Variants in TNNI3K observed in about 807,000 individuals in gnomAD.
The protein encoded by TNNI3K is serine/threonine-protein kinase TNNI3K.
A neutral mutation model predicts 114.5 loss-of-function variants in TNNI3K; 140 were observed. That is an observed-to-expected ratio of 1.22 (90% CI 1.07 to 1.41). The LOEUF is 1.41. TNNI3K is among the 40% of genes most tolerant of loss of function. The pLI is 0.00. For missense variants in TNNI3K, 1,125 were observed against 1,007.6 expected (o/e 1.12, Z -1.58); for synonymous variants, 347 against 347.5 (o/e 1.00, Z 0.02).
intron 5 of TNNI3K, among the ~76,000 whole-genome samples, chr1:74,290,384 T>C (rs1557477620): frequency 6.6e-6 from 1 of 151,706 alleles, no homozygotes; most frequent in Non-Finnish European, 1.5e-5. Flanking sequence ...AATACTGCTG[T>C]CAGAATTATG....
intron 20 of TNNI3K, among the ~76,000 whole-genome samples, chr1:74,459,468 A>G (rs1326353764): frequency 6.6e-6 from 1 of 152,230 alleles, no homozygotes; most frequent in Non-Finnish European, 1.5e-5. Flanking sequence ...AGTAGATGTT[A>G]CGAAGGAAAA....
rs182591501 is a variant in TNNI3K, at chr1:74,472,000, T to C, written c.2121+8450T>C. On this transcript the variant is annotated intron_variant, in intron 21 of 24. Coordinates refer to ENST00000326637, the MANE Select transcript of TNNI3K (RefSeq NM_015978.3). ...TGATCTATTTTTTTGTACGATCTTT[T>C]GTACATAGTGTTCCTCAGGCTCACA... The C allele has an allele frequency of 7.5e-6, 5 of 664,682 alleles. No homozygotes were observed. In the African/African-American group the frequency reaches 9.1e-5, roughly 12 times the overall value. 41.2% of individuals were successfully genotyped at this position (664,682 alleles called of 1,614,324 possible).
intron 5 of TNNI3K, among the ~76,000 whole-genome samples, chr1:74,311,029 A>G (rs147154174): frequency 2.0e-5 from 3 of 152,140 alleles, no homozygotes; most frequent in Non-Finnish European, 4.4e-5. Context: ...CCAGTTAAAC[A>G]TTATTTCTCT....
At chr1:74,300,970 T>A (rs1408054118) in intron 5 of TNNI3K, among the ~76,000 whole-genome samples, 3 of 152,200 alleles carry the variant, frequency 2.0e-5, no homozygotes, top group African/African-American at 7.2e-5. Flanking sequence ...TCTACGAGGT[T>A]CTATCTCCTT....
intron 9 of TNNI3K, among the ~76,000 whole-genome samples, chr1:74,350,868 G>T (rs879284378): frequency 6.6e-6 from 1 of 151,896 alleles, no homozygotes; most frequent in African/African-American, 2.4e-5. Context: ...GTCTCTGCAC[G>T]TGAGATGGGT....
At chr1:74,315,075 C>G (rs1403285383) in intron 5 of TNNI3K, among the ~76,000 whole-genome samples, 3 of 152,088 alleles carry the variant, frequency 2.0e-5, no homozygotes, top group Admixed American at 6.6e-5. Context: ...ATTATAACCT[C>G]TTTGTTACGT....
At chr1:74,242,426 C>T (rs1654295168) in intron 2 of TNNI3K, among the ~76,000 whole-genome samples, 1 of 152,076 alleles carries the variant, frequency 6.6e-6, no homozygotes, top group African/African-American at 2.4e-5. Context: ...TATACTCATC[C>T]TTAAAACAAA....
chr1:74,263,065 G>T (rs1655772831), intron 4 of TNNI3K, among the ~76,000 whole-genome samples: 1 of 152,004 alleles, frequency 6.6e-6, no homozygotes, highest in African/African-American at 2.4e-5. Flanking sequence ...TAAAACTCAA[G>T]ACTGAATATT....
intron 5 of TNNI3K, among the ~76,000 whole-genome samples, chr1:74,307,869 C>T (rs868492541): frequency 3.3e-5 from 5 of 151,862 alleles, no homozygotes; most frequent in African/African-American, 7.3e-5. Flanking sequence ...AGGTTGAGGC[C>T]GGAGAATCAC....
intron 22 of TNNI3K, among the ~76,000 whole-genome samples, chr1:74,489,593 G>A (rs1287297713): frequency 6.6e-6 from 1 of 152,140 alleles, no homozygotes; most frequent in Non-Finnish European, 1.5e-5. Flanking sequence ...TCTTCATACA[G>A]AGATTTGTAA....
intron 5 of TNNI3K, among the ~76,000 whole-genome samples, chr1:74,274,090 TATTG>T (rs1656520644): frequency 6.6e-6 from 1 of 151,958 alleles, no homozygotes; most frequent in South Asian, 2.1e-4. Context: ...TTGGAAGCCT[TATTG>T]ATAATATAAA....
intron 6 of TNNI3K, among the ~76,000 whole-genome samples, chr1:74,332,509 C>A (rs1251413589): frequency 6.6e-6 from 1 of 151,970 alleles, no homozygotes; most frequent in East Asian, 1.9e-4. Context: ...ACCATGTTAG[C>A]CAGGATGGTC....
chr1:74,386,375 A>G (rs1334421246), intron 17 of TNNI3K, among the ~76,000 whole-genome samples: 1 of 152,164 alleles, frequency 6.6e-6, no homozygotes, highest in African/African-American at 2.4e-5. Flanking sequence ...ATTCAGAGTA[A>G]TGTGTTACTA....
At chr1:74,370,258 A>G in intron 16 of TNNI3K, 30 bp from the exon 17 acceptor site, 1 of 1,543,412 alleles carries the variant, frequency 6.5e-7, no homozygotes, top group Non-Finnish European at 8.8e-7. Flanking sequence ...TGACCATTTC[A>G]TCTCTGTTAA....
At chr1:74,439,724 A>G (rs1408196374) in intron 20 of TNNI3K, 102 bp downstream of exon 20, 5 of 1,515,082 alleles carry the variant, frequency 3.3e-6, no homozygotes. Flanking sequence ...TCTCAGTGAG[A>G]TGGCAAAAGA....
intron 19 of TNNI3K, 44 bp downstream of exon 19, chr1:74,436,570 A>C: frequency 6.4e-7 from 1 of 1,562,090 alleles, no homozygotes; most frequent in Non-Finnish European, 8.6e-7. Flanking sequence ...ACCAATTAAA[A>C]TATGTAAACT....
At chr1:74,368,844 G>A (rs901045075) in intron 13 of TNNI3K, 178 bp from the exon 14 acceptor site, 5 of 549,246 alleles carry the variant, frequency 9.1e-6, no homozygotes, top group African/African-American at 2.0e-5. Flanking sequence ...ATGCAGGGGG[G>A]TAGGGATCAT....
intron 17 of TNNI3K, chr1:74,377,142 C>T (rs1052257748): frequency 3.3e-5 from 5 of 152,036 alleles, no homozygotes; most frequent in African/African-American, 1.2e-4. Context: ...AATTATTCCT[C>T]TTGATCATTT....
rs1653856717 is a variant in TNNI3K, at chr1:74,236,305, C to T, written c.149+95C>T. The T allele has an allele frequency of 6.5e-6, 7 of 1,075,888 alleles. No individual in the cohort carries two copies. The Admixed American group carries it at 1.8e-4, about 28-fold the overall frequency. The allele number at this position is 1,075,888 out of a possible 1,614,324, so 66.6% of individuals were successfully genotyped here. The stretch of plus-strand genomic sequence containing the variant: ...TGTATATTTTTTAAACCCGTAGAAC[C>T]TCAGACATAAGCAGTCATGTTCTAA... On this transcript the variant is annotated intron_variant, in intron 2 of 24. Transcript: ENST00000326637.
Sources: allele counts gnomAD v4.1 joint callset (sites outside exome capture counted in the v4.1 genomes callset), GRCh38; gene constraint gnomAD v4.1.1; transcripts MANE v1.5; gene names NCBI Gene and HGNC (gene_info 2026-07-23, HGNC 2026-07-21).